The following ADGRG6 variants were observed in gnomAD, a reference collection of about 807,000 sequenced individuals.
ADGRG6 encodes G-protein coupled receptor 126.
A neutral mutation model predicts 142.4 loss-of-function variants in ADGRG6; 84 were observed. The observed-to-expected ratio is 0.59, with a 90% CI of 0.49 to 0.71. The LOEUF (loss-of-function observed/expected upper bound fraction) is 0.71, where lower values mean the gene tolerates loss of function less well. Ranked by LOEUF, ADGRG6 falls within the 30% of genes least tolerant of loss-of-function variation. ADGRG6 has a pLI of 0.00. For missense variants in ADGRG6, 1,367 were observed against 1,466.6 expected (o/e 0.93, Z 1.11); for synonymous variants, 521 against 520.5 (o/e 1.00, Z -0.01).
rs1055471671 is a variant in ADGRG6, at chr6:142,445,357, C to T, written c.*1842C>T. The stretch of plus-strand genomic sequence containing the variant: ...TATATTAACAGGCTGCTTATTTTGG[C>T]GGAGGTTACATATGGATGAAAATGA... On this transcript the variant is annotated 3_prime_UTR_variant, in exon 25 of 25. Transcript: ENST00000367609. 1.3e-5 allele frequency: 2 copies of T among 151,972 alleles called. No homozygotes were observed. Among genetic ancestry groups the T allele is most frequent in the Admixed American group, 6.6e-5 (1 of 15,248 alleles). The allele number at this position is 151,972 out of a possible 1,614,324, so 9.4% of individuals were successfully genotyped here.
At chr6:142,403,233 G>A (rs75685007) in intron 13 of ADGRG6, among the ~76,000 whole-genome samples, 1,666 of 152,180 alleles carry the variant, frequency 0.011, 37 homozygotes, top group African/African-American at 0.038. Context: ...AAATGAACAT[G>A]CTGGGGCAGA....
chr6:142,367,091 C>T (rs1780976460), intron 2 of ADGRG6, among the ~76,000 whole-genome samples: 1 of 152,060 alleles, frequency 6.6e-6, no homozygotes, highest in East Asian at 1.9e-4. Context: ...CTAAGAGTTT[C>T]TCTTCCTTTA....
intron 2 of ADGRG6, among the ~76,000 whole-genome samples, chr6:142,362,123 G>A (rs1780755585): frequency 6.6e-6 from 1 of 152,218 alleles, no homozygotes; most frequent in South Asian, 2.1e-4. Flanking sequence ...GTTTGAGGGT[G>A]TGGTGCATGT....
chr6:142,302,415 C>A, intron 1 of ADGRG6, 84 bp downstream of exon 1: 1 of 1,404,396 alleles, frequency 7.1e-7, no homozygotes, highest in East Asian at 2.4e-5. Flanking sequence ...CCACCCCACC[C>A]TCAAGAGAAA....
At chr6:142,310,303 T>C (rs1777702929) in intron 2 of ADGRG6, among the ~76,000 whole-genome samples, 1 of 151,862 alleles carries the variant, frequency 6.6e-6, no homozygotes, top group Non-Finnish European at 1.5e-5. Flanking sequence ...GTGAATGATA[T>C]CTAAAAGTAA....
intron 17 of ADGRG6, among the ~76,000 whole-genome samples, chr6:142,410,753 T>C: frequency 6.6e-6 from 1 of 152,158 alleles, no homozygotes; most frequent in East Asian, 1.9e-4. Context: ...CTTAAAATAT[T>C]ATTTAAATAA....
Position 142,367,679 on chromosome 6 carries a change from C to T in ADGRG6, c.214C>T (p.Arg72Ter), listed in dbSNP as rs1446447300. The T allele has an allele frequency of 5.0e-6, 8 of 1,613,592 alleles. No individual in the cohort carries two copies. Among genetic ancestry groups the T allele is most frequent in the Non-Finnish European group, 5.9e-6 (7 of 1,179,728 alleles). The change falls in exon 3 of 25, where the codon CGA becomes TGA. Residue 72 changes from arginine (R) to a stop codon, truncating the protein, a stop_gained. Coordinates refer to ENST00000367609, the MANE Select transcript of ADGRG6 (RefSeq NM_198569.3). LOFTEE classifies it high-confidence loss of function. ...PNSQACMWTL[R>*]APTGYIIQIT... is the part of the protein sequence containing the mutation. ...CAGCCAGGCTTGCATGTGGACGCTC[C>T]GAGCCCCCACCGGTTATATCATTCA...
At chr6:142,428,663 G>T (rs1777070678) in intron 22 of ADGRG6, among the ~76,000 whole-genome samples, 1 of 152,064 alleles carries the variant, frequency 6.6e-6, no homozygotes, top group Admixed American at 6.6e-5. Context: ...ATGTGAAGGA[G>T]GAACTGCCAA....
intron 7 of ADGRG6, 36 bp from the exon 8 acceptor site, chr6:142,392,912 T>G (rs778281426): frequency 1.4e-6 from 2 of 1,434,030 alleles, no homozygotes; most frequent in African/African-American, 1.4e-5. Context: ...TTTAAAGGTA[T>G]TAGCAAAACT....
At chr6:142,310,409 G>A (rs1777707106) in intron 2 of ADGRG6, among the ~76,000 whole-genome samples, 1 of 151,158 alleles carries the variant, frequency 6.6e-6, no homozygotes, top group Admixed American at 6.6e-5. Context: ...GTATGTATTA[G>A]GCTTATTATG....
intron 13 of ADGRG6, among the ~76,000 whole-genome samples, chr6:142,403,264 T>C (rs575444040): frequency 3.9e-5 from 6 of 152,286 alleles, no homozygotes; most frequent in African/African-American, 1.4e-4. Context: ...CCTGTATTTA[T>C]ATGATTCAAT....
intron 8 of ADGRG6, among the ~76,000 whole-genome samples, chr6:142,393,476 A>T (rs993453975): frequency 3.3e-5 from 5 of 152,080 alleles, no homozygotes; most frequent in African/African-American, 1.2e-4. Flanking sequence ...AGCAATTTGT[A>T]TTGTCCATAT....
At chr6:142,373,185 A>G (rs934812292) in intron 4 of ADGRG6, among the ~76,000 whole-genome samples, 1 of 152,172 alleles carries the variant, frequency 6.6e-6, no homozygotes, top group Non-Finnish European at 1.5e-5. Flanking sequence ...AAAGTTTGGT[A>G]TTAGAGCTGT....
intron 2 of ADGRG6, among the ~76,000 whole-genome samples, chr6:142,314,879 A>C (rs1402312898): frequency 4.6e-5 from 7 of 151,962 alleles, no homozygotes; most frequent in Non-Finnish European, 1.5e-5. Context: ...AAATTCCCCT[A>C]TCACTAGTAA....
chr6:142,310,451 TAAG>T (rs201023997), intron 2 of ADGRG6, among the ~76,000 whole-genome samples: 3,015 of 151,842 alleles, frequency 0.02, 100 homozygotes, highest in African/African-American at 0.069. Context: ...AAATGTCAAT[TAAG>T]AAAATCATAA....
chr6:142,318,172 T>TA (rs1280016988), intron 2 of ADGRG6, among the ~76,000 whole-genome samples: 5 of 13,922 alleles, frequency 3.6e-4, no homozygotes, highest in African/African-American at 9.8e-4. Flanking sequence ...ATATTATATA[T>TA]TTATATATTA....
chr6:142,437,909 A>G (rs915774102), intron 23 of ADGRG6: 1 of 259,154 alleles, frequency 3.9e-6, no homozygotes, highest in Non-Finnish European at 7.1e-6. Flanking sequence ...AAAAAAAAAA[A>G]CTGAAAAAAC....
At chr6:142,419,089 G>C (rs1422294286) in intron 21 of ADGRG6, among the ~76,000 whole-genome samples, 1 of 152,058 alleles carries the variant, frequency 6.6e-6, no homozygotes, top group African/African-American at 2.4e-5. Flanking sequence ...CTCATCTACA[G>C]CAATGATATT....
intron 22 of ADGRG6, among the ~76,000 whole-genome samples, chr6:142,436,922 C>T (rs73582558): frequency 0.016 from 2,400 of 152,232 alleles, 50 homozygotes; most frequent in African/African-American, 0.051. Flanking sequence ...TTTGGTGCCA[C>T]GTTTCACCTG....
Sources: allele counts gnomAD v4.1 joint callset (sites outside exome capture counted in the v4.1 genomes callset), GRCh38; gene constraint gnomAD v4.1.1; transcripts MANE v1.5; gene names NCBI Gene and HGNC (gene_info 2026-07-23, HGNC 2026-07-21).